SFMBT1: variants seen among roughly 807,000 people sequenced by gnomAD.
SFMBT1 encodes the protein Scm like with four mbt domains 1.
A neutral mutation model predicts 108.7 loss-of-function variants in SFMBT1; 32 were observed. That is an observed-to-expected ratio of 0.29 (90% CI 0.22 to 0.40). The LOEUF (loss-of-function observed/expected upper bound fraction) is 0.40, where lower values mean the gene tolerates loss of function less well. Among genes scored for constraint, SFMBT1 ranks in the 10% least tolerant of loss-of-function variants. SFMBT1 has a pLI of 1.00. For synonymous variants in SFMBT1, 348 were observed against 369.5 expected (o/e 0.94, Z 0.67); for missense variants, 816 against 1,059.6 (o/e 0.77, Z 3.19).
intron 6 of SFMBT1, among the ~76,000 whole-genome samples, chr3:52,931,754 C>T (rs939968659): frequency 8.6e-5 from 13 of 152,032 alleles, no homozygotes; most frequent in African/African-American, 2.7e-4. Context: ...GCACAAGAAT[C>T]GCTTGAACCC....
chr3:52,976,981 C>G (rs1559534190), intron 1 of SFMBT1, among the ~76,000 whole-genome samples: 1 of 152,152 alleles, frequency 6.6e-6, no homozygotes, highest in Non-Finnish European at 1.5e-5. Context: ...TGGATATAGC[C>G]CTTTTAGACA....
chr3:52,981,842 C>T (rs930958409), intron 1 of SFMBT1, among the ~76,000 whole-genome samples: 2 of 152,106 alleles, frequency 1.3e-5, no homozygotes, highest in Non-Finnish European at 2.9e-5. Context: ...ATCAGGACAG[C>T]CCGCTAACCC....
intron 1 of SFMBT1, among the ~76,000 whole-genome samples, chr3:53,040,980 T>TTTTTTTTTTTTTTG (rs1700029717): frequency 1.1e-5 from 1 of 87,802 alleles, no homozygotes; most frequent in Non-Finnish European, 2.3e-5. Context: ...TTTTTTTTTT[T>TTTTTTTTTTTTTTG]TTTTTTTTTT....
chr3:53,042,445 T>A (rs887532166), intron 1 of SFMBT1, among the ~76,000 whole-genome samples: 30 of 152,182 alleles, frequency 2.0e-4, no homozygotes, highest in African/African-American at 7.0e-4. Flanking sequence ...GCTCAAAGGA[T>A]CCTCCCACCT....
intron 1 of SFMBT1, among the ~76,000 whole-genome samples, chr3:52,994,915 C>T (rs72961763): frequency 2.1e-5 from 3 of 142,836 alleles, no homozygotes; most frequent in South Asian, 4.5e-4. Context: ...AAAAAAAGAG[C>T]AAGAAATTGA....
intron 1 of SFMBT1, among the ~76,000 whole-genome samples, chr3:53,003,872 T>C (rs1698645711): frequency 6.7e-6 from 1 of 149,982 alleles, no homozygotes; most frequent in Non-Finnish European, 1.5e-5. Flanking sequence ...TTTTATATCT[T>C]AGAAATCTTT....
intron 4 of SFMBT1, among the ~76,000 whole-genome samples, chr3:52,937,897 A>G (rs1350835759): frequency 1.3e-5 from 2 of 151,866 alleles, no homozygotes; most frequent in South Asian, 2.1e-4. Flanking sequence ...TTACTCTTTT[A>G]TTTTGAAAAA....
chr3:52,924,097 A>G (rs980064566), intron 10 of SFMBT1, among the ~76,000 whole-genome samples: 9 of 152,218 alleles, frequency 5.9e-5, no homozygotes, highest in African/African-American at 2.2e-4. Context: ...CTCAAGCAAA[A>G]TAACTTCCAC....
chr3:52,969,006 C>T (rs1045260482), intron 2 of SFMBT1, 95 bp downstream of exon 2: 3 of 1,472,962 alleles, frequency 2.0e-6, no homozygotes, highest in Non-Finnish European at 2.8e-6. Flanking sequence ...CTTCAAAGAG[C>T]TTCCAGTTCA....
At chr3:52,965,883 G>A (rs1704117698) in intron 2 of SFMBT1, among the ~76,000 whole-genome samples, 2 of 149,916 alleles carry the variant, frequency 1.3e-5, no homozygotes, top group Admixed American at 6.7e-5. Flanking sequence ...GCAGGCACCT[G>A]TAGTCCCAGC....
At chr3:52,990,166 T>C (rs984197815) in intron 1 of SFMBT1, among the ~76,000 whole-genome samples, 1 of 152,208 alleles carries the variant, frequency 6.6e-6, no homozygotes, top group African/African-American at 2.4e-5. Context: ...AAAAACATCA[T>C]CATAAAGGTA....
At chr3:53,006,555 G>A (rs1313019044) in intron 1 of SFMBT1, among the ~76,000 whole-genome samples, 1 of 151,168 alleles carries the variant, frequency 6.6e-6, no homozygotes, top group Non-Finnish European at 1.5e-5. Context: ...CTTGAACCCG[G>A]GAGACAGAGG....
intron 14 of SFMBT1, among the ~76,000 whole-genome samples, chr3:52,914,940 C>A (rs1031183143): frequency 1.3e-5 from 2 of 152,188 alleles, no homozygotes; most frequent in African/African-American, 4.8e-5. Flanking sequence ...GGGTACTGCT[C>A]TCAGCAGGAG....
At chr3:52,996,268 G>A (rs1252375087) in intron 1 of SFMBT1, among the ~76,000 whole-genome samples, 1 of 124,720 alleles carries the variant, frequency 8.0e-6, no homozygotes, top group Non-Finnish European at 1.6e-5. Context: ...CTGCAGTGCA[G>A]TAGCACCATC....
intron 1 of SFMBT1, among the ~76,000 whole-genome samples, chr3:52,996,407 G>A (rs543048784): frequency 2.0e-5 from 3 of 149,058 alleles, no homozygotes; most frequent in Non-Finnish European, 3.0e-5. Context: ...TAGAGACAGA[G>A]TTTCACCTAT....
intron 1 of SFMBT1, among the ~76,000 whole-genome samples, chr3:52,989,526 T>C (rs1396037695): frequency 6.6e-6 from 1 of 151,512 alleles, no homozygotes; most frequent in African/African-American, 2.4e-5. Flanking sequence ...TAAGGCCAGG[T>C]GTGGTGGCTC....
At chr3:52,956,616 C>T (rs1703793114) in intron 2 of SFMBT1, among the ~76,000 whole-genome samples, 1 of 151,940 alleles carries the variant, frequency 6.6e-6, no homozygotes, top group Non-Finnish European at 1.5e-5. Context: ...AAAAAATTAG[C>T]CGGGTGTGGT....
intron 1 of SFMBT1, among the ~76,000 whole-genome samples, chr3:53,019,585 T>C (rs750681501): frequency 5.9e-5 from 9 of 152,206 alleles, no homozygotes; most frequent in Non-Finnish European, 1.2e-4. Context: ...GAAACCACTG[T>C]TGATGGCTTC....
intron 1 of SFMBT1, among the ~76,000 whole-genome samples, chr3:53,042,575 C>T (rs1393298222): frequency 1.3e-5 from 2 of 152,190 alleles, no homozygotes; most frequent in Admixed American, 1.3e-4. Context: ...AACTCCTGGT[C>T]TCAAGCGATC....
Sources: gnomAD v4.1 joint callset for allele counts (sites outside exome capture counted in the v4.1 genomes callset) on GRCh38, gnomAD v4.1.1 for gene constraint, MANE v1.5 for transcripts, NCBI Gene and HGNC (gene_info 2026-07-23, HGNC 2026-07-21) for gene names.